Variants in PTCD2 observed in about 807,000 individuals in gnomAD.
The protein encoded by PTCD2 is pentatricopeptide repeat domain 2.
A neutral mutation model predicts 42.6 loss-of-function variants in PTCD2; 31 were observed. The observed-to-expected ratio is 0.73, with a 90% CI of 0.55 to 0.98. The LOEUF (loss-of-function observed/expected upper bound fraction) is 0.98. Ranked by LOEUF, PTCD2 falls within the 50% of genes least tolerant of loss-of-function variation. PTCD2 has a pLI of 0.00. For missense variants in PTCD2, 476 were observed against 454.8 expected (o/e 1.05, Z -0.42); for synonymous variants, 183 against 170.9 (o/e 1.07, Z -0.55).
chr5:72,330,240 T>C (rs2112143951), intron 3 of PTCD2, among the ~76,000 whole-genome samples: 1 of 152,146 alleles, frequency 6.6e-6, no homozygotes, highest in East Asian at 1.9e-4. Flanking sequence ...GTGCCCGGCC[T>C]ATTTGTAACT....
intron 3 of PTCD2, among the ~76,000 whole-genome samples, chr5:72,329,245 G>C (rs904820202): frequency 2.6e-5 from 4 of 152,110 alleles, no homozygotes; most frequent in Non-Finnish European, 4.4e-5. Flanking sequence ...GTAGACAGCC[G>C]GACAAGTGGA....
chr5:72,358,234 T>C lies in PTCD2; in HGVS notation c.974T>C (p.Val325Ala), dbSNP rs749643837. 48 of 1,613,978 alleles carry C rather than the reference T, an allele frequency of 3.0e-5. No homozygotes were observed. The highest frequency in any genetic ancestry group is 2.7e-4 in the Admixed American group (16 of 59,992). The change falls in exon 10 of 10, where the codon GTG becomes GCG. Residue 325 changes from valine (V) to alanine (A), a missense_variant. Physicochemically the swap from Val to Ala is moderately conservative, Grantham distance 64. Coordinates refer to ENST00000380639, the MANE Select transcript of PTCD2 (RefSeq NM_024754.5). ...AAAGTGAGGGAAAAAGTGAAGGATG[T>C]GCCTGCCCTTGTGGCCAAATTTGAT... ...LAKVREKVKD[V>A]PALVAKFDEI...
intron 8 of PTCD2, among the ~76,000 whole-genome samples, chr5:72,344,717 A>G (rs1283280165): frequency 6.6e-6 from 1 of 152,126 alleles, no homozygotes; most frequent in Non-Finnish European, 1.5e-5. Context: ...CAGAGTACAA[A>G]AGAGAGAAAT....
At position 72,338,648 on chromosome 5, in the gene PTCD2, T is replaced by G; in HGVS notation, c.666T>G (p.Cys222Trp). 6.2e-7 allele frequency: 1 copy of G among 1,608,996 alleles called. No individual in the cohort carries two copies. The highest frequency in any genetic ancestry group is 8.5e-7 in the Non-Finnish European group (1 of 1,175,716). Residue 222 changes from cysteine to tryptophan, a missense_variant, in exon 7 of 10, where the codon TGT becomes TGG. Transcript: ENST00000380639. ...KLNSPESFKI[C>W]TTLREEALLK... ...ATAGCCCTGAGTCTTTCAAAATCTG[T>G]ACTACATTAAGAGAAGAAGCTCTAC... is the stretch of plus-strand genomic sequence containing the variant.
rs371179494 is a variant in PTCD2 at position 72,335,012 on chromosome 5, C to T, written c.469-6C>T. The T allele has an allele frequency of 1.3e-4, 205 of 1,567,464 alleles. 1 individual carries two copies. In the African/African-American group the frequency reaches 2.4e-3, roughly 18 times the overall value. ...TTAACCAAACTGTATTGTTCTTCTT[C>T]GTTAGCATTTACGAGGTTTCTTCTC... On this transcript the variant is annotated splice_polypyrimidine_tract_variant and splice_region_variant and intron_variant, in intron 4 of 9. Coordinates refer to ENST00000380639, the MANE Select transcript of PTCD2 (RefSeq NM_024754.5).
chr5:72,320,584 CTG>C, intron 1 of PTCD2, 75 bp downstream of exon 1: 3 of 1,591,752 alleles, frequency 1.9e-6, no homozygotes, highest in Non-Finnish European at 2.6e-6. Context: ...GCTAGCATCT[CTG>C]TGGAGCAGCC....
intron 3 of PTCD2, among the ~76,000 whole-genome samples, chr5:72,328,889 C>T (rs1314008283): frequency 6.6e-6 from 1 of 152,262 alleles, no homozygotes; most frequent in East Asian, 1.9e-4. Flanking sequence ...AAAACTTACT[C>T]TTTGTTTCCT....
chr5:72,366,033 G>A lies in PTCD2; in HGVS notation c.*7606G>A, dbSNP rs1320233747. On this transcript the variant is annotated 3_prime_UTR_variant, in exon 10 of 10. Transcript: ENST00000380639. ...GTTCTAGACCAGCCTGGCCAGCATG[G>A]TGAAACCCCATCTCTACTAAAAATA... is the stretch of plus-strand genomic sequence containing the variant. The A allele has an allele frequency of 6.6e-6, 1 of 152,132 alleles. No individual in the cohort carries two copies. Among genetic ancestry groups the A allele is most frequent in the Non-Finnish European group, 1.5e-5 (1 of 68,042 alleles). The allele number at this position is 152,132 out of a possible 1,614,324, so 9.4% of individuals were successfully genotyped here. A position where few individuals can be genotyped will look rare whatever the true frequency, so the allele number is the denominator to read the frequency against.
intron 6 of PTCD2, among the ~76,000 whole-genome samples, chr5:72,337,593 C>T (rs1343214577): frequency 1.3e-5 from 2 of 152,050 alleles, no homozygotes; most frequent in African/African-American, 2.4e-5. Flanking sequence ...GTCAGGAGTT[C>T]GAGACCAGCC....
At chr5:72,358,161 A>C (rs751168543) in intron 9 of PTCD2, 42 bp from the exon 10 acceptor site, 14 of 1,510,994 alleles carry the variant, frequency 9.3e-6, no homozygotes, top group Middle Eastern at 1.7e-4. Flanking sequence ...ATAAGGAAGA[A>C]ATCTTGCAGA....
rs7714219 is a variant in PTCD2, at chr5:72,359,028, G to C, written c.*601G>C. 0.68 allele frequency: 103,899 copies of C among 152,532 alleles called. 36,676 individuals carry two copies. The highest frequency in any genetic ancestry group is 0.87 in the African/African-American group (36,134 of 41,496). The allele number at this position is 152,532 out of a possible 1,614,324, so 9.4% of individuals were successfully genotyped here. Reference sequence around the variant, plus strand: ...AAATAAGAGAAATAAGGTTCATAAGGAAACTTGCTGGGATTGTGGTTGTTT... The same window carrying C: ...AAATAAGAGAAATAAGGTTCATAAGCAAACTTGCTGGGATTGTGGTTGTTT... On this transcript the variant is annotated 3_prime_UTR_variant, in exon 10 of 10. Transcript: ENST00000380639.
intron 8 of PTCD2, among the ~76,000 whole-genome samples, chr5:72,343,725 G>T (rs868637550): frequency 6.6e-6 from 1 of 152,048 alleles, no homozygotes; most frequent in East Asian, 1.9e-4. Context: ...CCAGATTCAC[G>T]CTAATAATAA....
Position 72,365,791 on chromosome 5 carries a change from C to T in PTCD2, c.*7364C>T, listed in dbSNP as rs1408486441. ...TAGAGAGCAGAGAAAATGTCATTTC[C>T]AATTTAGAAGATCATAATCGATTTT... On this transcript the variant is annotated 3_prime_UTR_variant, in exon 10 of 10. Coordinates refer to ENST00000380639, the MANE Select transcript of PTCD2 (RefSeq NM_024754.5). The T allele has an allele frequency of 6.6e-6, 1 of 152,132 alleles. No individual in the cohort carries two copies. Among genetic ancestry groups the T allele is most frequent in the Non-Finnish European group, 1.5e-5 (1 of 68,028 alleles). The allele number at this position is 152,132 out of a possible 1,614,324, so 9.4% of individuals were successfully genotyped here.
intron 8 of PTCD2, 49 bp from the exon 9 acceptor site, chr5:72,352,592 T>C (rs1181759215): frequency 3.4e-6 from 3 of 888,672 alleles, no homozygotes; most frequent in Non-Finnish European, 5.6e-6. Flanking sequence ...TTCTCAGCAT[T>C]GAGACACTCA....
rs1580198866 is a variant in PTCD2, at chr5:72,359,831, C to T, written c.*1404C>T. On this transcript the variant is annotated 3_prime_UTR_variant, in exon 10 of 10. Transcript: ENST00000380639. ...TATCCTTCCCACTGTACCACATTATCTCTTTTCAGAGGGGAAAAAGGAGCA... is the reference window on the plus strand; with the variant it reads ...TATCCTTCCCACTGTACCACATTATTTCTTTTCAGAGGGGAAAAAGGAGCA... The T allele has an allele frequency of 6.6e-6, 1 of 152,084 alleles. No individual in the cohort carries two copies. Among genetic ancestry groups the T allele is most frequent in the African/African-American group, 2.4e-5 (1 of 41,422 alleles). The allele number at this position is 152,084 out of a possible 1,614,324, so 9.4% of individuals were successfully genotyped here.
chr5:72,327,175 A>C (rs1751188435), intron 3 of PTCD2, among the ~76,000 whole-genome samples: 1 of 152,028 alleles, frequency 6.6e-6, no homozygotes, highest in Non-Finnish European at 1.5e-5. Flanking sequence ...CTTCCTTGGT[A>C]TCTCCCTCAG....
chr5:72,333,241 G>C (rs1751536677), intron 4 of PTCD2, among the ~76,000 whole-genome samples: 1 of 152,132 alleles, frequency 6.6e-6, no homozygotes, highest in South Asian at 2.1e-4. Flanking sequence ...CCTCTAACTG[G>C]AACATTCTGC....
intron 5 of PTCD2, chr5:72,335,419 G>T (rs1024882544): frequency 4.6e-6 from 1 of 215,806 alleles, no homozygotes; most frequent in Non-Finnish European, 8.8e-6. Context: ...ACTGCAGTCC[G>T]CAGTCCGGCC....
Position 72,322,185 on chromosome 5 carries a change from A to G in PTCD2, c.141A>G (p.Leu47=), listed in dbSNP as rs1310321867. 1 of 1,577,486 alleles carries G rather than the reference A, an allele frequency of 6.3e-7. No individual in the cohort carries two copies. Among genetic ancestry groups the G allele is most frequent in the Non-Finnish European group, 8.7e-7 (1 of 1,148,072 alleles). The part of the protein sequence containing the change: ...CRCPLGAKRY[L]LTDNVVKLKE... ...TCTGATTTTTAGCTAAAAGATACCT[A>G]CTTACAGATAATGTGGTGAAATTAA... Residue 47 remains leucine, a synonymous_variant, in exon 2 of 10, where the codon CTA becomes CTG. Transcript: ENST00000380639.
Sources: gnomAD v4.1 joint callset for allele counts (sites outside exome capture counted in the v4.1 genomes callset) on GRCh38, gnomAD v4.1.1 for gene constraint, MANE v1.5 for transcripts, NCBI Gene and HGNC (gene_info 2026-07-23, HGNC 2026-07-21) for gene names.